Variants in EFTUD2 observed in about 807,000 individuals in gnomAD.
EFTUD2 encodes the protein elongation factor Tu GTP binding domain containing 2.
Under a neutral mutation model 114.3 loss-of-function variants are expected in EFTUD2, and 9 were observed. The ratio of observed to expected loss-of-function variants is 0.08; its 90% confidence interval spans 0.05 to 0.14. The LOEUF (loss-of-function observed/expected upper bound fraction) is 0.14. Among genes scored for constraint, EFTUD2 ranks in the 10% least tolerant of loss-of-function variants. The pLI is 1.00. For missense variants in EFTUD2, 765 were observed against 1,241.2 expected (o/e 0.62, Z 5.76); for synonymous variants, 449 against 462.3 (o/e 0.97, Z 0.37).
chr17:44,894,942 C>A (rs1419406264), intron 1 of EFTUD2, among the ~76,000 whole-genome samples: 1 of 152,218 alleles, frequency 6.6e-6, no homozygotes, highest in Non-Finnish European at 1.5e-5. Context: ...AAGAACAGTA[C>A]AAATAACTTA....
chr17:44,859,826 G>A, intron 18 of EFTUD2, 79 bp downstream of exon 18: 1 of 1,599,168 alleles, frequency 6.3e-7, no homozygotes, highest in Non-Finnish European at 8.5e-7. Context: ...AACACCTGAT[G>A]GATGGGAAGC....
rs751674101 is a variant in EFTUD2, at chr17:44,879,630, T to G, written c.628A>C (p.Asn210His). ...FNIMDTPGHV[N>H]FSDEVTAGLR... The stretch of plus-strand genomic sequence containing the variant: ...CCAGCTGTGACCTCATCAGAGAAAT[T>G]CACATGTCCTGAAAAGCAAATACTA... The change falls in exon 9 of 28, where the codon AAT becomes CAT. Residue 210 changes from asparagine (N) to histidine (H), a missense_variant. Coordinates refer to ENST00000426333, the MANE Select transcript of EFTUD2 (RefSeq NM_004247.4). 1.6e-5 allele frequency: 26 copies of G among 1,613,642 alleles called. No individual in the cohort carries two copies. The Admixed American group carries it at 4.3e-4, about 27-fold the overall frequency.
intron 1 of EFTUD2, among the ~76,000 whole-genome samples, chr17:44,896,325 C>A (rs1451905898): frequency 6.6e-6 from 1 of 152,210 alleles, no homozygotes; most frequent in Non-Finnish European, 1.5e-5. Flanking sequence ...GCTTTTTGCA[C>A]CTTTATCAGT....
chr17:44,856,972 G>T (rs1187799833), intron 20 of EFTUD2, 103 bp downstream of exon 20: 4 of 934,776 alleles, frequency 4.3e-6, no homozygotes, highest in South Asian at 1.3e-5. Context: ...AGCTGTAGAG[G>T]TCTCTATGTG....
In EFTUD2 at chr17:44,862,769, C is replaced by T. The variant is rs953991945; in HGVS notation, c.1551G>A (p.Glu517=). ...TGCATATCTGGGAGTCTTCCTCATC[C>T]TCCAGGGTGTAGTTCTCCCCCAGTA... The part of the protein sequence containing the change: ...VKVLGENYTL[E]DEEDSQICTV... The change falls in exon 16 of 28, where the codon GAG becomes GAA. Residue 517 remains glutamate, a synonymous_variant. Transcript: ENST00000426333. 10 of 1,614,080 alleles carry T rather than the reference C, an allele frequency of 6.2e-6. No individual in the cohort carries two copies. Among genetic ancestry groups the T allele is most frequent in the Non-Finnish European group, 7.6e-6 (9 of 1,180,036 alleles).
intron 14 of EFTUD2, 121 bp downstream of exon 14, chr17:44,864,809 G>C: frequency 7.0e-7 from 1 of 1,437,514 alleles, no homozygotes; most frequent in Non-Finnish European, 9.5e-7. Flanking sequence ...ATCTGAATCT[G>C]TGGTTTGTTG....
intron 10 of EFTUD2, among the ~76,000 whole-genome samples, chr17:44,874,789 G>A (rs895278886): frequency 2.0e-5 from 3 of 152,210 alleles, no homozygotes; most frequent in African/African-American, 7.2e-5. Context: ...ACAGCAAACA[G>A]TTCTTAATTT....
At chr17:44,880,502 C>T in intron 8 of EFTUD2, 52 bp downstream of exon 8, 1 of 1,421,614 alleles carries the variant, frequency 7.0e-7, no homozygotes, top group South Asian at 1.2e-5. Context: ...TGAGAGGACA[C>T]ACGCAAAACC....
At position 44,879,631 on chromosome 17, in the gene EFTUD2, C is replaced by T. The variant is rs1309211598; in HGVS notation, c.627G>A (p.Val209=). 6.2e-7 allele frequency: 1 copy of T among 1,613,706 alleles called. No homozygotes were observed. The change falls in exon 9 of 28, where the codon GTG becomes GTA. Residue 209 remains valine, a synonymous_variant. Coordinates refer to ENST00000426333, the MANE Select transcript of EFTUD2 (RefSeq NM_004247.4). ...LFNIMDTPGH[V]NFSDEVTAGL... ...CAGCTGTGACCTCATCAGAGAAATT[C>T]ACATGTCCTGAAAAGCAAATACTAA...
chr17:44,855,128 C>T (rs1304530017), intron 20 of EFTUD2, 124 bp from the exon 21 acceptor site: 6 of 831,022 alleles, frequency 7.2e-6, no homozygotes, highest in African/African-American at 3.3e-5. Context: ...AGGGGCCAAG[C>T]GTGGTGGTTC....
At position 44,862,751 on chromosome 17, in the gene EFTUD2, C is replaced by T; in HGVS notation, c.1569G>A (p.Gln523=). 6.2e-7 allele frequency: 1 copy of T among 1,614,122 alleles called. No homozygotes were observed. Among genetic ancestry groups the T allele is most frequent in the South Asian group, 1.1e-5 (1 of 91,072 alleles). ...TCCAAAGGCGGCCCACGGTGCATAT[C>T]TGGGAGTCTTCCTCATCCTCCAGGG... The part of the protein sequence containing the change: ...NYTLEDEEDS[Q]ICTVGRLWIS... The change falls in exon 16 of 28, where the codon CAG becomes CAA. Residue 523 remains glutamine, a synonymous_variant. Transcript: ENST00000426333.
At chr17:44,859,693 T>C in intron 18 of EFTUD2, 1 of 690,154 alleles carries the variant, frequency 1.4e-6, no homozygotes. Context: ...CACTGCCCCC[T>C]CCTACACAGG....
rs34990843 is a variant in EFTUD2, at chr17:44,895,495, CAA to C, written c.-4-972_-4-971del. On this transcript the variant is annotated intron_variant, in intron 1 of 27. Transcript: ENST00000426333. ...TGGGAGACAGAACAAGACTCCATCT[CAA>C]AAAAAAAAAAAAAAAAAAAGTTTCA... is the stretch of plus-strand genomic sequence containing the variant. Among the ~76,000 whole-genome samples, 258 of 88,074 alleles carry C rather than the reference CAA, an allele frequency of 2.9e-3. 1 individual carries two copies. Among genetic ancestry groups the C allele is most frequent in the African/African-American group, 6.2e-3 (135 of 21,738 alleles). The allele number at this position is 88,074 out of a possible 152,430, so 57.8% of individuals were successfully genotyped here.
intron 14 of EFTUD2, 56 bp downstream of exon 14, chr17:44,864,874 T>C (rs544149922): frequency 1.9e-6 from 3 of 1,582,672 alleles, no homozygotes; most frequent in East Asian, 4.5e-5. Context: ...ATTGCTGTGA[T>C]ACCTGTGGCA....
chr17:44,877,494 C>T (rs919866220), intron 9 of EFTUD2, among the ~76,000 whole-genome samples: 4 of 152,114 alleles, frequency 2.6e-5, no homozygotes, highest in African/African-American at 9.7e-5. Context: ...GAAACAAAAG[C>T]ACTTCTTTAC....
At chr17:44,899,006 C>T (rs941137424) in intron 1 of EFTUD2, 2 of 152,234 alleles carry the variant, frequency 1.3e-5, no homozygotes, top group African/African-American at 4.8e-5. Flanking sequence ...AATGCAGGAG[C>T]TCAGAGGACT....
At chr17:44,890,015 T>A (rs189162560) in intron 2 of EFTUD2, among the ~76,000 whole-genome samples, 420 of 152,286 alleles carry the variant, frequency 2.8e-3, no homozygotes, top group Non-Finnish European at 3.9e-3. Flanking sequence ...TTAATTTTTT[T>A]ATTTTTTTGA....
chr17:44,879,187 G>T (rs919932088), intron 9 of EFTUD2, among the ~76,000 whole-genome samples: 1 of 152,122 alleles, frequency 6.6e-6, no homozygotes, highest in Non-Finnish European at 1.5e-5. Context: ...CCAGGCTCAA[G>T]TGATTCTCCT....
chr17:44,889,596 G>A (rs1459802432), intron 2 of EFTUD2, among the ~76,000 whole-genome samples: 1 of 152,200 alleles, frequency 6.6e-6, no homozygotes, highest in Non-Finnish European at 1.5e-5. Context: ...CGGAAGGGAA[G>A]GCATCGTATA....
Sources: gnomAD v4.1 joint callset for allele counts (sites outside exome capture counted in the v4.1 genomes callset) on GRCh38, gnomAD v4.1.1 for gene constraint, MANE v1.5 for transcripts, NCBI Gene and HGNC (gene_info 2026-07-23, HGNC 2026-07-21) for gene names.